The following KMT2C variants were observed in gnomAD, a reference collection of about 807,000 sequenced individuals.
KMT2C encodes lysine methyltransferase 2C, also known as histone-lysine N-methyltransferase 2C.
KMT2C carries 88 observed loss-of-function variants against 507.9 expected under a neutral mutation model. The ratio of observed to expected loss-of-function variants is 0.17; its 90% CI spans 0.15 to 0.21. The LOEUF is 0.21. Among genes scored for constraint, KMT2C ranks in the 10% least tolerant of loss-of-function variants. The pLI is 1.00. For synonymous variants in KMT2C, 2,049 were observed against 2,080.8 expected (o/e 0.98, Z 0.42); for missense variants, 4,954 against 5,957.8 (o/e 0.83, Z 5.55).
At chr7:152,211,363 C>T (rs938058240) in intron 23 of KMT2C, among the ~76,000 whole-genome samples, 8 of 152,116 alleles carry the variant, frequency 5.3e-5, no homozygotes, top group Non-Finnish European at 1.2e-4. Context: ...ATGGAATATA[C>T]GTTCCACCCA....
At chr7:152,273,412 G>A (rs2096014079) in intron 7 of KMT2C, among the ~76,000 whole-genome samples, 1 of 152,086 alleles carries the variant, frequency 6.6e-6, no homozygotes, top group Non-Finnish European at 1.5e-5. Context: ...CAGAAATACT[G>A]CATAGTCCCT....
At chr7:152,284,251 AAGG>A (rs1164260959) in intron 6 of KMT2C, among the ~76,000 whole-genome samples, 1 of 152,140 alleles carries the variant, frequency 6.6e-6, no homozygotes, top group Non-Finnish European at 1.5e-5. Flanking sequence ...GTTTTGGTAA[AAGG>A]AGAGACAAAT....
At chr7:152,385,727 G>C (rs1474085801) in intron 1 of KMT2C, among the ~76,000 whole-genome samples, 1 of 150,108 alleles carries the variant, frequency 6.7e-6, no homozygotes, top group African/African-American at 2.5e-5. Flanking sequence ...GTATGATGGT[G>C]GTATTAGGTT....
At chr7:152,160,221 G>A (rs933754936) in intron 43 of KMT2C, among the ~76,000 whole-genome samples, 10 of 152,126 alleles carry the variant, frequency 6.6e-5, no homozygotes, top group Middle Eastern at 3.4e-3. Flanking sequence ...GGAGGGAGGC[G>A]AAAGCAGGCT....
At chr7:152,419,020 G>C (rs1012002305) in intron 1 of KMT2C, among the ~76,000 whole-genome samples, 1 of 151,732 alleles carries the variant, frequency 6.6e-6, no homozygotes, top group Non-Finnish European at 1.5e-5. Flanking sequence ...ATAGTGAGAC[G>C]ACTGTCCCTA....
chr7:152,222,048 C>G lies in KMT2C; in HGVS notation c.3452G>C (p.Cys1151Ser), dbSNP rs2129146615. 6.3e-7 allele frequency: 1 copy of G among 1,599,876 alleles called. No homozygotes were observed. Among genetic ancestry groups the G allele is most frequent in the Non-Finnish European group, 8.5e-7 (1 of 1,174,254 alleles). The stretch of plus-strand genomic sequence containing the variant: ...AATTTGTGCTACAAGTGAAGATTCA[C>G]AGCAGTCTGAGGAAGGCACTGAAAC... ...PASNVPSSDC[C>S]ESSLVAQIVT... Residue 1151 changes from cysteine to serine, a missense_variant, in exon 22 of 59, where the codon TGT becomes TCT. Cys to Ser is a moderately radical substitution (Grantham distance 112, BLOSUM62 -1). This residue lies in a region of KMT2C where 176 missense variants were observed against 262.0 expected (regional missense o/e 0.67). Transcript: ENST00000262189.
At chr7:152,158,658 G>A (rs1337730587) in intron 44 of KMT2C, among the ~76,000 whole-genome samples, 1 of 152,020 alleles carries the variant, frequency 6.6e-6, no homozygotes, top group Admixed American at 6.5e-5. Context: ...TGGAATTACA[G>A]GCGTGTACCA....
chr7:152,254,621 C>CT (rs1217697148), intron 9 of KMT2C, among the ~76,000 whole-genome samples: 3 of 152,242 alleles, frequency 2.0e-5, no homozygotes, highest in African/African-American at 7.2e-5. Context: ...AAGGCAACAT[C>CT]TTATTTTATG....
chr7:152,323,987 T>A (rs1212726588), intron 3 of KMT2C, among the ~76,000 whole-genome samples: 1 of 151,272 alleles, frequency 6.6e-6, no homozygotes, highest in East Asian at 1.9e-4. Context: ...AAAGTTGAAC[T>A]AAAAGAACCA....
At chr7:152,178,064 T>C in intron 37 of KMT2C, 54 bp from the exon 38 acceptor site, 1 of 1,324,716 alleles carries the variant, frequency 7.5e-7, no homozygotes. Flanking sequence ...TTATGTTAAA[T>C]TTAGAGTTAA....
chr7:152,434,038 C>G (rs568229908), intron 1 of KMT2C, among the ~76,000 whole-genome samples: 1 of 152,314 alleles, frequency 6.6e-6, no homozygotes, highest in East Asian at 1.9e-4. Context: ...GGGAGGCAAT[C>G]AAGGTAAAAC....
At chr7:152,307,268 A>G (rs1464021016) in intron 6 of KMT2C, among the ~76,000 whole-genome samples, 2 of 119,334 alleles carry the variant, frequency 1.7e-5, no homozygotes, top group African/African-American at 4.0e-5. Context: ...GAAGGAAGGA[A>G]GGAAGAAAGA....
At chr7:152,267,881 T>C (rs1377213435) in intron 7 of KMT2C, among the ~76,000 whole-genome samples, 1 of 152,194 alleles carries the variant, frequency 6.6e-6, no homozygotes, top group Non-Finnish European at 1.5e-5. Context: ...TGGTGGGTTG[T>C]CTGCCATGCA....
chr7:152,395,931 G>C (rs2097535648), intron 1 of KMT2C, among the ~76,000 whole-genome samples: 1 of 152,148 alleles, frequency 6.6e-6, no homozygotes, highest in Admixed American at 6.6e-5. Flanking sequence ...TGCTGATAAA[G>C]TGCTTCCTCT....
At chr7:152,318,838 G>C (rs2096745976) in intron 3 of KMT2C, among the ~76,000 whole-genome samples, 1 of 151,982 alleles carries the variant, frequency 6.6e-6, no homozygotes, top group Admixed American at 6.6e-5. Context: ...TGAAAAAGAT[G>C]TTACACACTA....
intron 44 of KMT2C, 111 bp from the exon 45 acceptor site, chr7:152,156,457 G>C: frequency 7.4e-7 from 1 of 1,351,286 alleles, no homozygotes; most frequent in Non-Finnish European, 1.0e-6. Context: ...CTACAGAAAT[G>C]TAATCAAGAT....
chr7:152,181,830 T>C lies in KMT2C; in HGVS notation c.6030A>G (p.Pro2010=). 6.2e-7 allele frequency: 1 copy of C among 1,614,022 alleles called. No homozygotes were observed. The highest frequency in any genetic ancestry group is 1.1e-5 in the South Asian group (1 of 91,078). Residue 2010 remains proline, a synonymous_variant, in exon 36 of 59, where the codon CCA becomes CCG. Transcript: ENST00000262189. ...TTTGAAACACATCTGCCCTAGGAGATGGTTTAGTAAAGTGATCACTGGTTC... is the reference window on the plus strand; with the variant it reads ...TTTGAAACACATCTGCCCTAGGAGACGGTTTAGTAAAGTGATCACTGGTTC... ...AAGTSDHFTK[P]SPRADVFQRQ...
intron 6 of KMT2C, among the ~76,000 whole-genome samples, chr7:152,291,025 G>A (rs545888261): frequency 2.0e-5 from 3 of 152,268 alleles, no homozygotes; most frequent in African/African-American, 4.8e-5. Context: ...CATTATTCTT[G>A]TAGAAGTGAC....
chr7:152,230,417 A>G, intron 16 of KMT2C, 96 bp from the exon 17 acceptor site: 1 of 562,380 alleles, frequency 1.8e-6, no homozygotes. Context: ...CAAAACATAT[A>G]TTTTGGCTAA....
Sources: allele counts gnomAD v4.1 joint callset (sites outside exome capture counted in the v4.1 genomes callset), GRCh38; gene constraint gnomAD v4.1.1; regional missense constraint gnomAD v4.1.1; transcripts MANE v1.5; gene names NCBI Gene and HGNC (gene_info 2026-07-23, HGNC 2026-07-21).